The following RIMS3 variants were observed in gnomAD, a reference collection of about 807,000 sequenced individuals.
The protein encoded by RIMS3 is regulating synaptic membrane exocytosis 3.
A neutral mutation model predicts 29.2 loss-of-function variants in RIMS3; 15 were observed. The observed-to-expected ratio is 0.51, with a 90% CI of 0.34 to 0.79. RIMS3 has a LOEUF of 0.79. RIMS3 is among the 30% of genes least tolerant of loss of function. The pLI is 0.01. For synonymous variants in RIMS3, 161 were observed against 170.1 expected (o/e 0.95, Z 0.41); for missense variants, 342 against 421.4 (o/e 0.81, Z 1.65).
In RIMS3 at chr1:40,648,646, C is replaced by T. The variant is rs185634042; in HGVS notation, c.-206-804G>A. 7.9e-5 allele frequency among the ~76,000 whole-genome samples: 12 copies of T among 152,278 alleles called. No homozygotes were observed. The East Asian group carries it at 1.7e-3, about 22-fold the overall frequency. ...TTACTAATAAGATTCCTTTATAAATCGTAAAGGATTGTCCAGTTGTTAGTT... is the reference window on the plus strand; with the variant it reads ...TTACTAATAAGATTCCTTTATAAATTGTAAAGGATTGTCCAGTTGTTAGTT... On this transcript the variant is annotated intron_variant, in intron 1 of 7. Coordinates refer to ENST00000372684, the MANE Select transcript of RIMS3 (RefSeq NM_014747.3).
chr1:40,649,613 A>G (rs1364198805), intron 1 of RIMS3, among the ~76,000 whole-genome samples: 1 of 152,166 alleles, frequency 6.6e-6, no homozygotes, highest in African/African-American at 2.4e-5. Context: ...CACATGCACA[A>G]TCATACACAC....
chr1:40,634,950 A>C lies in RIMS3; in HGVS notation c.359+966T>G, dbSNP rs555828289. 3.0e-4 allele frequency among the ~76,000 whole-genome samples: 46 copies of C among 152,120 alleles called. 1 individual carries two copies. Among genetic ancestry groups the C allele is most frequent in the Non-Finnish European group, 2.2e-4 (15 of 67,964 alleles). On this transcript the variant is annotated intron_variant, in intron 4 of 7. Transcript: ENST00000372684. ...GAGCAAAACTCCATCACAAAAAAAA[A>C]AAAAACAAAAAAAACAACGATCACT...
At position 40,620,855 on chromosome 1, in the gene RIMS3, C is replaced by T. The variant is rs117472915; in HGVS notation, c.*5662G>A. On this transcript the variant is annotated 3_prime_UTR_variant, in exon 8 of 8. Coordinates refer to ENST00000372684, the MANE Select transcript of RIMS3 (RefSeq NM_014747.3). ...CCACAACAAGTTAGGAAAGATGCTG[C>T]ACATAGAAAATGTATAGAGCACAGA... The T allele has an allele frequency of 1.3e-5, 2 of 152,790 alleles. No homozygotes were observed. The highest frequency in any genetic ancestry group is 3.9e-4 in the East Asian group (2 of 5,188). The allele number at this position is 152,790 out of a possible 1,614,324, so 9.5% of individuals were successfully genotyped here.
chr1:40,640,294 A>G (rs1041103157), intron 3 of RIMS3, among the ~76,000 whole-genome samples: 1 of 152,080 alleles, frequency 6.6e-6, no homozygotes, highest in African/African-American at 2.4e-5. Context: ...CCTAAACTGC[A>G]TATTCACAGA....
upstream of RIMS3, among the ~76,000 whole-genome samples, chr1:40,670,186 A>C (rs1033071633): frequency 6.6e-6 from 1 of 152,226 alleles, no homozygotes; most frequent in African/African-American, 2.4e-5. Context: ...TCAAGTATTT[A>C]TTATATGTTG....
intron 5 of RIMS3, 69 bp from the exon 6 acceptor site, chr1:40,629,441 G>T: frequency 7.9e-7 from 1 of 1,263,472 alleles, no homozygotes; most frequent in Non-Finnish European, 1.2e-6. Context: ...CTGCTGTACT[G>T]AATGCCAGCC....
At chr1:40,669,496 G>C (rs1642465115), upstream of RIMS3, 1 of 152,240 alleles carries the variant, frequency 6.6e-6, no homozygotes, top group African/African-American at 2.4e-5. Flanking sequence ...GGTGACAGCA[G>C]AGGAACACTC....
At chr1:40,659,792 C>T (rs1642325342) in intron 1 of RIMS3, among the ~76,000 whole-genome samples, 1 of 152,084 alleles carries the variant, frequency 6.6e-6, no homozygotes, top group Non-Finnish European at 1.5e-5. Context: ...GCGTGCATTC[C>T]AGGATTGGGG....
intron 3 of RIMS3, among the ~76,000 whole-genome samples, chr1:40,637,575 C>T (rs1646529020): frequency 6.6e-6 from 1 of 152,108 alleles, no homozygotes; most frequent in African/African-American, 2.4e-5. Context: ...GCACGAGCAG[C>T]AGCAATCACA....
the RIMS3 span, among the ~76,000 whole-genome samples, chr1:40,688,014 G>C: frequency 6.6e-6 from 1 of 152,148 alleles, no homozygotes; most frequent in Admixed American, 6.6e-5. Context: ...ACCTAGGCTA[G>C]AGTGCAATGG....
upstream of RIMS3, among the ~76,000 whole-genome samples, chr1:40,667,109 G>C (rs552257262): frequency 6.6e-6 from 1 of 152,158 alleles, no homozygotes; most frequent in Non-Finnish European, 1.5e-5. Flanking sequence ...TTGCTAGGAG[G>C]CATAGTCATC....
At position 40,628,823 on chromosome 1, in the gene RIMS3, C is replaced by A; in HGVS notation, c.701G>T (p.Gly234Val). 1.2e-6 allele frequency: 2 copies of A among 1,614,196 alleles called. No homozygotes were observed. The highest frequency in any genetic ancestry group is 1.7e-6 in the Non-Finnish European group (2 of 1,180,036). Residue 234 changes from glycine (G) to valine (V), a missense_variant, in exon 7 of 8, where the codon GGC becomes GTC. Coordinates refer to ENST00000372684, the MANE Select transcript of RIMS3 (RefSeq NM_014747.3). ...QALLFDEGPQ[G>V]KVLQVIVWGD... ...TGTGACACCCACCTGCAGCACCTTG[C>A]CCTGGGGTCCCTCGTCAAAGAGCAG...
At chr1:40,643,943 C>G (rs1270962932) in intron 2 of RIMS3, among the ~76,000 whole-genome samples, 1 of 152,168 alleles carries the variant, frequency 6.6e-6, no homozygotes, top group East Asian at 1.9e-4. Context: ...GTACCACCCA[C>G]CCCTTGTTTT....
chr1:40,680,405 C>G, the RIMS3 span, among the ~76,000 whole-genome samples: 1 of 148,320 alleles, frequency 6.7e-6, no homozygotes, highest in Non-Finnish European at 1.5e-5. Context: ...AATCTTGGCT[C>G]ACTGCAACCT....
chr1:40,679,863 G>T, the RIMS3 span, among the ~76,000 whole-genome samples: 3 of 151,452 alleles, frequency 2.0e-5, no homozygotes, highest in Non-Finnish European at 4.4e-5. Context: ...TGAAAACCAA[G>T]AAGAAAGAGT....
At chr1:40,674,732 T>C in the RIMS3 span, among the ~76,000 whole-genome samples, 1 of 152,208 alleles carries the variant, frequency 6.6e-6, no homozygotes, top group Non-Finnish European at 1.5e-5. Context: ...CATGCTGTCT[T>C]GCTCTCTTGC....
At chr1:40,634,356 T>C (rs1646507119) in intron 4 of RIMS3, among the ~76,000 whole-genome samples, 1 of 152,216 alleles carries the variant, frequency 6.6e-6, no homozygotes, top group African/African-American at 2.4e-5. Flanking sequence ...GCCCCACTTT[T>C]ATTGGCCATG....
Position 40,644,742 on chromosome 1 carries a change from G to T in RIMS3, c.-31-2786C>A, listed in dbSNP as rs1463834994. Among the ~76,000 whole-genome samples the T allele has an allele frequency of 3.9e-5, 6 of 152,208 alleles. No individual in the cohort carries two copies. In the East Asian group the frequency reaches 1.2e-3, roughly 29 times the overall value. On this transcript the variant is annotated intron_variant, in intron 2 of 7. Coordinates refer to ENST00000372684, the MANE Select transcript of RIMS3 (RefSeq NM_014747.3). ...GAACCCAACAAGGCCAGCCTCTCCA[G>T]CATGCTCTGCACCCAGCACCCTACT...
At chr1:40,677,919 A>C in the RIMS3 span, among the ~76,000 whole-genome samples, 1 of 152,254 alleles carries the variant, frequency 6.6e-6, no homozygotes, top group Non-Finnish European at 1.5e-5. Flanking sequence ...GCTGTCCCAC[A>C]GTGGCTTGCG....
Sources: gnomAD v4.1 joint callset for allele counts (sites outside exome capture counted in the v4.1 genomes callset) on GRCh38, gnomAD v4.1.1 for gene constraint, MANE v1.5 for transcripts, NCBI Gene and HGNC (gene_info 2026-07-23, HGNC 2026-07-21) for gene names.